Variants in IMPA2 observed in about 807,000 individuals in gnomAD.
The protein encoded by IMPA2 is inositol monophosphatase 2.
IMPA2 carries 32 observed loss-of-function variants against 35.1 expected under a neutral mutation model. The observed-to-expected ratio is 0.91, with a 90% CI of 0.69 to 1.23. IMPA2 has a LOEUF of 1.23. Ranked by LOEUF, IMPA2 falls within the 50% of genes most tolerant of loss-of-function variation. The pLI is 0.00. For synonymous variants in IMPA2, 135 were observed against 160.6 expected (o/e 0.84, Z 1.20); for missense variants, 334 against 387.6 (o/e 0.86, Z 1.16).
Position 11,981,650 on chromosome 18 carries a change from A to C in IMPA2, c.-20A>C, listed in dbSNP as rs2143767134. 1.6e-6 allele frequency: 2 copies of C among 1,226,378 alleles called. No individual in the cohort carries two copies. Among genetic ancestry groups the C allele is most frequent in the Non-Finnish European group, 2.0e-6 (2 of 984,338 alleles). 76.0% of individuals were successfully genotyped at this position (1,226,378 alleles called of 1,614,324 possible). On this transcript the variant is annotated 5_prime_UTR_variant, in exon 1 of 8. Coordinates refer to ENST00000269159, the MANE Select transcript of IMPA2 (RefSeq NM_014214.3). Reference sequence around the variant, plus strand: ...TCCCGCCGAGGGGGGCTGGAGGTGGAGGGGCCCGGCGAGGCCGCGATGAAG... The same window carrying C: ...TCCCGCCGAGGGGGGCTGGAGGTGGCGGGGCCCGGCGAGGCCGCGATGAAG...
rs761770092 is a variant in IMPA2 at position 12,017,700 on chromosome 18, T to C, written c.490+3327T>C. 3.4e-5 allele frequency: 13 copies of C among 384,792 alleles called. 1 individual carries two copies. The highest frequency in any genetic ancestry group is 2.5e-4 in the South Asian group (13 of 52,332). The allele number at this position is 384,792 out of a possible 1,614,324, so 23.8% of individuals were successfully genotyped here. A position where few individuals can be genotyped will look rare whatever the true frequency, so the allele number is the denominator to read the frequency against. ...ACATCCTAGGTTCAAGCAATTCTCC[T>C]GCCTCATCCTCCTGAGTAGCTGGGA... On this transcript the variant is annotated intron_variant, in intron 5 of 7. Transcript: ENST00000269159.
At chr18:12,026,889 G>T (rs529681909) in intron 5 of IMPA2, among the ~76,000 whole-genome samples, 1 of 152,370 alleles carries the variant, frequency 6.6e-6, no homozygotes, top group South Asian at 2.1e-4. Context: ...GAATGATCTG[G>T]ACCTCCTGAG....
chr18:11,981,659 G>C lies in IMPA2; in HGVS notation c.-11G>C, dbSNP rs914825054. On this transcript the variant is annotated 5_prime_UTR_variant, in exon 1 of 8. Transcript: ENST00000269159. Reference sequence around the variant, plus strand: ...GGGGGGCTGGAGGTGGAGGGGCCCGGCGAGGCCGCGATGAAGCCGAGCGGC... The same window carrying C: ...GGGGGGCTGGAGGTGGAGGGGCCCGCCGAGGCCGCGATGAAGCCGAGCGGC... The C allele has an allele frequency of 3.3e-6, 4 of 1,228,740 alleles. No individual in the cohort carries two copies. The African/African-American group carries it at 4.7e-5, about 14-fold the overall frequency. 76.1% of individuals were successfully genotyped at this position (1,228,740 alleles called of 1,614,324 possible). A position where few individuals can be genotyped will look rare whatever the true frequency, so the allele number is the denominator to read the frequency against.
intron 1 of IMPA2, among the ~76,000 whole-genome samples, chr18:11,992,808 AC>A (rs1214265704): frequency 1.2e-4 from 18 of 152,268 alleles, no homozygotes; most frequent in African/African-American, 4.3e-4. Flanking sequence ...TTACCTGGCA[AC>A]CCCATGTGCT....
chr18:11,997,317 A>G (rs1458696918), intron 1 of IMPA2, among the ~76,000 whole-genome samples: 2 of 152,228 alleles, frequency 1.3e-5, no homozygotes, highest in Non-Finnish European at 2.9e-5. Flanking sequence ...ATGAGCAGGA[A>G]CTAGGAAACC....
intron 5 of IMPA2, chr18:12,021,972 G>A (rs1292572817): frequency 6.6e-6 from 1 of 152,132 alleles, no homozygotes; most frequent in East Asian, 1.9e-4. Context: ...CCTAAAATCT[G>A]TTTATTGAAA....
chr18:12,022,013 TATGAG>T (rs1466791923), intron 5 of IMPA2, among the ~76,000 whole-genome samples: 1 of 152,212 alleles, frequency 6.6e-6, no homozygotes, highest in Non-Finnish European at 1.5e-5. Flanking sequence ...TTTCAAAATG[TATGAG>T]ATATTTTTAT....
intron 1 of IMPA2, among the ~76,000 whole-genome samples, chr18:11,995,854 A>G (rs1448753930): frequency 6.6e-6 from 1 of 152,156 alleles, no homozygotes; most frequent in Admixed American, 6.5e-5. Flanking sequence ...AAGCAGCCCA[A>G]TGTGTGTTTT....
At chr18:12,007,588 T>TTTCTTTTCG (rs1568032748) in intron 2 of IMPA2, among the ~76,000 whole-genome samples, 1 of 142,442 alleles carries the variant, frequency 7.0e-6, no homozygotes, top group African/African-American at 2.7e-5. Context: ...CTTTCTTTTC[T>TTTCTTTTCG]TTTCTTTCTT....
intron 2 of IMPA2, among the ~76,000 whole-genome samples, chr18:12,004,305 A>T (rs1907195069): frequency 6.6e-6 from 1 of 152,220 alleles, no homozygotes; most frequent in South Asian, 2.1e-4. Flanking sequence ...AAAGGGGCTT[A>T]AAGGCACTCA....
Position 12,014,965 on chromosome 18 carries a change from C to G in IMPA2, c.490+592C>G, listed in dbSNP as rs560726811. On this transcript the variant is annotated intron_variant, in intron 5 of 7. Coordinates refer to ENST00000269159, the MANE Select transcript of IMPA2 (RefSeq NM_014214.3). ...CTGCATACTGCCTGGAACCGCCTGT[C>G]CTGAATGGGCCAGTTTAGGTTTTCA... 3.1e-4 allele frequency among the ~76,000 whole-genome samples: 47 copies of G among 152,322 alleles called. No homozygotes were observed. The East Asian group carries it at 8.7e-3, about 28-fold the overall frequency.
chr18:12,006,453 C>T (rs1907250095), intron 2 of IMPA2, among the ~76,000 whole-genome samples: 1 of 152,126 alleles, frequency 6.6e-6, no homozygotes, highest in South Asian at 2.1e-4. Context: ...GGGTTCACTG[C>T]ATCTCATCTG....
chr18:12,020,383 G>T (rs1907695924), intron 5 of IMPA2, among the ~76,000 whole-genome samples: 1 of 152,110 alleles, frequency 6.6e-6, no homozygotes, highest in African/African-American at 2.4e-5. Flanking sequence ...AGTAGAGATG[G>T]TGTTTCTCTA....
At chr18:11,983,016 C>A (rs1204237026) in intron 1 of IMPA2, among the ~76,000 whole-genome samples, 2 of 152,088 alleles carry the variant, frequency 1.3e-5, no homozygotes, top group African/African-American at 4.8e-5. Flanking sequence ...GGTGCAAATC[C>A]TCTAATCCTG....
chr18:12,018,130 A>G (rs1178624638), intron 5 of IMPA2: 1 of 153,362 alleles, frequency 6.5e-6, no homozygotes, highest in Non-Finnish European at 1.4e-5. Context: ...TAGTGGAGAC[A>G]GGGTTTTGTC....
At chr18:11,987,096 A>G (rs978579309) in intron 1 of IMPA2, among the ~76,000 whole-genome samples, 1 of 152,146 alleles carries the variant, frequency 6.6e-6, no homozygotes, top group Non-Finnish European at 1.5e-5. Context: ...GCTGCTGTGG[A>G]GCAGTGCTTC....
At chr18:12,002,985 G>A (rs1173279471) in intron 2 of IMPA2, among the ~76,000 whole-genome samples, 3 of 151,958 alleles carry the variant, frequency 2.0e-5, no homozygotes, top group Non-Finnish European at 2.9e-5. Flanking sequence ...CTGAGGTCAG[G>A]AGTTCGAGAC....
At chr18:12,014,425 G>A (rs1907522605) in intron 5 of IMPA2, 52 bp downstream of exon 5, 2 of 1,161,272 alleles carry the variant, frequency 1.7e-6, no homozygotes, top group Non-Finnish European at 2.4e-6. Context: ...AAGTGTGAAA[G>A]GAGAATGCCA....
intron 5 of IMPA2, among the ~76,000 whole-genome samples, chr18:12,016,701 G>A (rs1181120406): frequency 1.3e-5 from 2 of 152,126 alleles, no homozygotes; most frequent in African/African-American, 2.4e-5. Flanking sequence ...TTACAGGTGT[G>A]AGCCACCACA....
Sources: allele counts gnomAD v4.1 joint callset (sites outside exome capture counted in the v4.1 genomes callset), GRCh38; gene constraint gnomAD v4.1.1; transcripts MANE v1.5; gene names NCBI Gene and HGNC (gene_info 2026-07-23, HGNC 2026-07-21).